CDH7: variants seen among roughly 807,000 people sequenced by gnomAD.
The protein encoded by CDH7 is cadherin 7, also known as cadherin-7.
Under a neutral mutation model 71.8 loss-of-function variants are expected in CDH7, and 25 were observed. The ratio of observed to expected loss-of-function variants is 0.35; its 90% CI spans 0.25 to 0.49. The LOEUF (loss-of-function observed/expected upper bound fraction) is 0.49. Among genes scored for constraint, CDH7 ranks in the 20% least tolerant of loss-of-function variants. The probability of loss-of-function intolerance (pLI) is 0.99; values close to 1 mark genes in which losing one functional copy is unlikely to be tolerated. For missense variants in CDH7, 862 were observed against 974.6 expected, an observed-to-expected ratio of 0.88 and a Z score of 1.54; for synonymous variants, 381 against 363.8, an observed-to-expected ratio of 1.05 and a Z score of -0.54.
intron 8 of CDH7, among the ~76,000 whole-genome samples, 169 bp from the exon 9 acceptor site, chr18:65,858,756 A>G (rs374701424): frequency 2.6e-5 from 4 of 152,154 alleles, no homozygotes; most frequent in African/African-American, 9.7e-5. Context: ...AAATACATAC[A>G]TATGAATGTG....
At chr18:65,807,519 G>T (rs1211395217) in intron 2 of CDH7, among the ~76,000 whole-genome samples, 1 of 152,106 alleles carries the variant, frequency 6.6e-6, no homozygotes, top group Non-Finnish European at 1.5e-5. Context: ...TATTTCTTGT[G>T]GTCTTCTGGA....
chr18:65,812,062 G>C (rs989642959), intron 3 of CDH7, among the ~76,000 whole-genome samples: 1 of 132,460 alleles, frequency 7.5e-6, no homozygotes, highest in African/African-American at 2.8e-5. Context: ...TCCACCTCCC[G>C]AGTTCAAGCA....
At chr18:65,807,849 G>T (rs535457413) in intron 2 of CDH7, among the ~76,000 whole-genome samples, 2 of 151,942 alleles carry the variant, frequency 1.3e-5, no homozygotes, top group East Asian at 1.9e-4. Flanking sequence ...TTGAAGATTT[G>T]GGGGGGTGAT....
intron 2 of CDH7, among the ~76,000 whole-genome samples, chr18:65,776,615 ACTCT>A (rs1409453306): frequency 1.3e-5 from 2 of 151,772 alleles, no homozygotes; most frequent in Admixed American, 6.6e-5. Context: ...ATTTTCTCTC[ACTCT>A]CTCTCCTTCT....
chr18:65,794,037 A>C (rs1222155109), intron 2 of CDH7, among the ~76,000 whole-genome samples: 1 of 152,176 alleles, frequency 6.6e-6, no homozygotes, highest in African/African-American at 2.4e-5. Flanking sequence ...ATAGAGAATT[A>C]GAAGTAGGAA....
chr18:65,862,045 A>G (rs749267291), intron 10 of CDH7, among the ~76,000 whole-genome samples: 33 of 152,158 alleles, frequency 2.2e-4, no homozygotes, highest in Non-Finnish European at 3.5e-4. Context: ...ATGAATTCAA[A>G]TATTAAATAT....
intron 7 of CDH7, among the ~76,000 whole-genome samples, chr18:65,847,034 G>A (rs901618288): frequency 9.0e-5 from 7 of 77,714 alleles, no homozygotes; most frequent in African/African-American, 2.5e-4. Context: ...TTGTACTCAC[G>A]CGTATTCCAA....
intron 2 of CDH7, 145 bp from the exon 3 acceptor site, chr18:65,809,559 G>T: frequency 3.1e-6 from 2 of 654,968 alleles, no homozygotes; most frequent in South Asian, 4.0e-5. Context: ...TAGCCTTTCT[G>T]CTGTGCACAA....
chr18:65,858,031 A>G (rs1355073744), intron 8 of CDH7, 79 bp downstream of exon 8: 4 of 1,346,706 alleles, frequency 3.0e-6, no homozygotes, highest in Non-Finnish European at 4.1e-6. Context: ...TGTAAATTCA[A>G]GTTAATTAAA....
chr18:65,867,196 C>T (rs1418009557), intron 11 of CDH7, among the ~76,000 whole-genome samples: 3 of 151,932 alleles, frequency 2.0e-5, no homozygotes, highest in African/African-American at 4.8e-5. Context: ...CCACCACGCC[C>T]GGCTAATTGT....
At chr18:65,758,704 TA>T (rs1466423529) in intron 1 of CDH7, among the ~76,000 whole-genome samples, 2 of 152,204 alleles carry the variant, frequency 1.3e-5, no homozygotes, top group Non-Finnish European at 2.9e-5. Context: ...TGCAGAGAAA[TA>T]TAATGGAATT....
chr18:65,796,058 T>G, intron 2 of CDH7, among the ~76,000 whole-genome samples: 1 of 152,140 alleles, frequency 6.6e-6, no homozygotes, highest in East Asian at 1.9e-4. Flanking sequence ...ATAAATAAAT[T>G]ACCCAGTCTC....
chr18:65,844,333 T>A (rs1912860540), intron 7 of CDH7, among the ~76,000 whole-genome samples: 1 of 151,798 alleles, frequency 6.6e-6, no homozygotes, highest in African/African-American at 2.4e-5. Flanking sequence ...ATGTTTCTAT[T>A]CAACCAATTA....
At chr18:65,753,820 C>T (rs1915952939) in intron 1 of CDH7, among the ~76,000 whole-genome samples, 1 of 152,200 alleles carries the variant, frequency 6.6e-6, no homozygotes, top group Admixed American at 6.5e-5. Flanking sequence ...GCAAGTCTCA[C>T]AGATAAAATT....
chr18:65,838,211 T>C (rs951235583), intron 6 of CDH7, among the ~76,000 whole-genome samples: 7 of 152,232 alleles, frequency 4.6e-5, no homozygotes, highest in Admixed American at 4.6e-4. Context: ...TAAGCCACCA[T>C]GCCCGACCTA....
At chr18:65,815,923 A>C (rs1911708602) in intron 4 of CDH7, among the ~76,000 whole-genome samples, 2 of 152,154 alleles carry the variant, frequency 1.3e-5, no homozygotes, top group South Asian at 4.1e-4. Flanking sequence ...TCACAATCAT[A>C]CACTCCTGCC....
chr18:65,850,641 T>G (rs931507836), intron 7 of CDH7, among the ~76,000 whole-genome samples: 1 of 151,310 alleles, frequency 6.6e-6, no homozygotes, highest in Non-Finnish European at 1.5e-5. Flanking sequence ...TATGTGGCCG[T>G]CTCTTCTCCA....
intron 2 of CDH7, among the ~76,000 whole-genome samples, chr18:65,774,594 C>T (rs1391380125): frequency 6.6e-6 from 1 of 151,914 alleles, no homozygotes; most frequent in African/African-American, 2.4e-5. Flanking sequence ...GGTACTGAAT[C>T]TGTTGTACCT....
At chr18:65,787,679 T>A (rs1910565685) in intron 2 of CDH7, among the ~76,000 whole-genome samples, 1 of 152,194 alleles carries the variant, frequency 6.6e-6, no homozygotes, top group South Asian at 2.1e-4. Flanking sequence ...AGAGCTGTGA[T>A]TACTCATTTA....
Sources: gnomAD v4.1 joint callset for allele counts (sites outside exome capture counted in the v4.1 genomes callset) on GRCh38, gnomAD v4.1.1 for gene constraint, MANE v1.5 for transcripts, NCBI Gene and HGNC (gene_info 2026-07-23, HGNC 2026-07-21) for gene names.